TMC3: variants seen among roughly 807,000 people sequenced by gnomAD.
The protein encoded by TMC3 is transmembrane channel like 3, also known as transmembrane channel-like protein 3.
In TMC3, 98 loss-of-function variants were observed where a neutral mutation model predicts 110.6. That is an observed-to-expected ratio of 0.89 (90% CI 0.75 to 1.05). TMC3 has a LOEUF of 1.05. Among genes scored for constraint, TMC3 ranks in the 50% least tolerant of loss-of-function variants. The pLI, the probability that TMC3 is intolerant of heterozygous loss-of-function variation, is 0.00. For missense variants in TMC3, 1,319 were observed against 1,373.2 expected (o/e 0.96, Z 0.62); for synonymous variants, 489 against 513.1 (o/e 0.95, Z 0.63).
chr15:81,362,790 C>T (rs567910232), intron 3 of TMC3, among the ~76,000 whole-genome samples: 1 of 152,196 alleles, frequency 6.6e-6, no homozygotes, highest in South Asian at 2.1e-4. Flanking sequence ...TGAGAGTGTG[C>T]CCCAGGAATC....
At chr15:81,337,405 T>C (rs921201097) in intron 19 of TMC3, among the ~76,000 whole-genome samples, 1 of 152,160 alleles carries the variant, frequency 6.6e-6, no homozygotes, top group Admixed American at 6.5e-5. Context: ...GAGAACGTAA[T>C]GACAGCCACA....
intron 2 of TMC3, among the ~76,000 whole-genome samples, chr15:81,370,597 G>T (rs1894412452): frequency 6.6e-6 from 1 of 152,014 alleles, no homozygotes; most frequent in African/African-American, 2.4e-5. Flanking sequence ...CAAAGTTAAA[G>T]ACACTTAACC....
chr15:81,341,731 A>G (rs1426169321), intron 15 of TMC3: 1 of 362,036 alleles, frequency 2.8e-6, no homozygotes, highest in Non-Finnish European at 5.0e-6. Context: ...CCTATTTTAA[A>G]ATATTATATT....
chr15:81,336,761 A>T, intron 19 of TMC3, 110 bp from the exon 20 acceptor site: 2 of 1,143,142 alleles, frequency 1.7e-6, no homozygotes, highest in Non-Finnish European at 2.6e-6. Flanking sequence ...CTTACCTTGG[A>T]CCATAACTGT....
rs1273345680 is a variant in TMC3, at chr15:81,333,232, A to G, written c.2490T>C (p.Ser830=). Residue 830 remains serine (S), a synonymous_variant, in exon 22 of 22, where the codon AGT becomes AGC. Transcript: ENST00000359440. Reference sequence around the variant, plus strand: ...TGCGCGATCTGTTCCTGTGAAGGTCACTGGTGCTTGCACACAGACCGTGCA... The same window carrying G: ...TGCGCGATCTGTTCCTGTGAAGGTCGCTGGTGCTTGCACACAGACCGTGCA... The part of the protein sequence containing the change: ...RYLHGLCAST[S]DLHRNRSRTP... 6.2e-7 allele frequency: 1 copy of G among 1,612,974 alleles called. No homozygotes were observed. The highest frequency in any genetic ancestry group is 8.5e-7 in the Non-Finnish European group (1 of 1,179,238).
chr15:81,368,229 A>T (rs775072448), intron 3 of TMC3, 24 bp downstream of exon 3: 10 of 1,602,592 alleles, frequency 6.2e-6, no homozygotes, highest in Non-Finnish European at 8.5e-6. Context: ...CACCGCGCCC[A>T]GCCACATGTG....
Position 81,344,752 on chromosome 15 carries a change from G to A in TMC3, c.1518+14C>T. 1 of 1,612,784 alleles carries A rather than the reference G, an allele frequency of 6.2e-7. No individual in the cohort carries two copies. The highest frequency in any genetic ancestry group is 8.5e-7 in the Non-Finnish European group (1 of 1,179,494). On this transcript the variant is annotated intron_variant, in intron 13 of 21. Coordinates refer to ENST00000359440, the MANE Select transcript of TMC3 (RefSeq NM_001080532.3). The stretch of plus-strand genomic sequence containing the variant: ...ATGGATATGACAGAGCTTTGTAAGG[G>A]TAAAGAGAACCACCTGACCAACGTA...
At chr15:81,370,892 C>T (rs116977833) in intron 2 of TMC3, among the ~76,000 whole-genome samples, 2,429 of 152,168 alleles carry the variant, frequency 0.016, 23 homozygotes, top group South Asian at 0.037. Flanking sequence ...CCAGGTGGGT[C>T]TCGATCTCCT....
chr15:81,351,868 G>A (rs200040683), intron 9 of TMC3, 27 bp from the exon 10 acceptor site: 51 of 1,609,290 alleles, frequency 3.2e-5, no homozygotes, highest in Non-Finnish European at 3.7e-5. Flanking sequence ...GCATGAGAAC[G>A]GTACACAGGG....
chr15:81,347,468 C>T (rs183020164), intron 11 of TMC3, among the ~76,000 whole-genome samples: 13 of 152,272 alleles, frequency 8.5e-5, no homozygotes, highest in South Asian at 2.1e-4. Context: ...TGAATTGAGA[C>T]GGGATTCCCG....
intron 12 of TMC3, among the ~76,000 whole-genome samples, chr15:81,345,883 GAAAAA>G (rs577070071): frequency 2.7e-3 from 371 of 139,464 alleles, no homozygotes; most frequent in African/African-American, 9.3e-3. Context: ...TCTCAAAAAA[GAAAAA>G]AAAAAAGGTG....
chr15:81,362,387 C>T (rs943009890), intron 3 of TMC3, 86 bp from the exon 4 acceptor site: 1 of 979,528 alleles, frequency 1.0e-6, no homozygotes, highest in East Asian at 2.6e-5. Context: ...ATGGAGTATA[C>T]CAGACACTCC....
intron 7 of TMC3, 102 bp from the exon 8 acceptor site, chr15:81,356,696 T>A: frequency 7.6e-7 from 1 of 1,312,306 alleles, no homozygotes; most frequent in Non-Finnish European, 1.0e-6. Context: ...GCTGCACCCC[T>A]CTGGGTGGAC....
chr15:81,344,020 T>C lies in TMC3; in HGVS notation c.1544A>G (p.Asp515Gly). The C allele has an allele frequency of 6.2e-7, 1 of 1,611,830 alleles. No homozygotes were observed. The highest frequency in any genetic ancestry group is 8.5e-7 in the Non-Finnish European group (1 of 1,179,144). Residue 515 changes from aspartate (D) to glycine (G), a missense_variant, in exon 14 of 22, where the codon GAC (aspartate) becomes GGC (glycine). Physicochemically the swap from Asp to Gly is moderately conservative, Grantham distance 94 (BLOSUM62 -1). Coordinates refer to ENST00000359440, the MANE Select transcript of TMC3 (RefSeq NM_001080532.3). ...AATGCTCGCCACGGTGAAGAGCATG[T>C]CAATGATGGAGAGCTTCAGCATCTC... ...GQEMLKLSII[D>G]MLFTVASILL...
At chr15:81,369,361 A>G (rs1894385455) in intron 2 of TMC3, among the ~76,000 whole-genome samples, 3 of 152,118 alleles carry the variant, frequency 2.0e-5, no homozygotes, top group South Asian at 4.1e-4. Context: ...CTCCATCTTA[A>G]TAGCCCAGCC....
chr15:81,372,957 A>G (rs1236011140), intron 1 of TMC3, among the ~76,000 whole-genome samples: 1 of 152,030 alleles, frequency 6.6e-6, no homozygotes, highest in Non-Finnish European at 1.5e-5. Flanking sequence ...GTTGAAACAC[A>G]TTTATTGGAT....
Position 81,344,882 on chromosome 15 carries a change from A to G in TMC3, c.1402T>C (p.Trp468Arg). The change falls in exon 13 of 22, where the codon TGG becomes CGG. Residue 468 changes from tryptophan to arginine, a missense_variant. By Grantham distance (101) the Trp-to-Arg change is moderately radical. Transcript: ENST00000359440. Reference protein sequence around the residue: ...PGMGLRRNNTWALEETSISAY... With the variant: ...PGMGLRRNNTRALEETSISAY... ...GAAATGCTGGTCTCTTCCAAGGCCC[A>G]TGTGTTGTTTCTCCTGAGCCCCATT... The G allele has an allele frequency of 3.7e-6, 6 of 1,613,986 alleles. No homozygotes were observed. The highest frequency in any genetic ancestry group is 5.1e-6 in the Non-Finnish European group (6 of 1,179,888).
chr15:81,364,469 G>A (rs1435064237), intron 3 of TMC3, among the ~76,000 whole-genome samples: 1 of 148,952 alleles, frequency 6.7e-6, no homozygotes, highest in Non-Finnish European at 1.5e-5. Context: ...ACTCATAGGT[G>A]GGAATTGAAC....
At position 81,332,553 on chromosome 15, in the gene TMC3, C is replaced by T. The variant is rs376406331; in HGVS notation, c.3169G>A (p.Ala1057Thr). The T allele has an allele frequency of 1.3e-5, 21 of 1,613,806 alleles. No homozygotes were observed. The Middle Eastern group carries it at 4.9e-4, about 38-fold the overall frequency. ...ASSSDQQNSSADQYLQVTHSQ... is the reference protein window; with the variant it reads ...ASSSDQQNSSTDQYLQVTHSQ... ...TGGGTGACCTGCAGGTACTGGTCAG[C>T]GCTGCTGTTCTGCTGGTCACTGCTG... is the stretch of plus-strand genomic sequence containing the variant. The change falls in exon 22 of 22, where the codon GCT (alanine) becomes ACT (threonine). Residue 1057 changes from alanine to threonine, a missense_variant. By Grantham distance (58) the Ala-to-Thr change is moderately conservative. Coordinates refer to ENST00000359440, the MANE Select transcript of TMC3 (RefSeq NM_001080532.3).
Sources: allele counts gnomAD v4.1 joint callset (sites outside exome capture counted in the v4.1 genomes callset), GRCh38; gene constraint gnomAD v4.1.1; transcripts MANE v1.5; gene names NCBI Gene and HGNC (gene_info 2026-07-23, HGNC 2026-07-21).